The following ABCG2 variants were observed in gnomAD, a reference collection of about 807,000 sequenced individuals.
The protein encoded by ABCG2 is ATP binding cassette subfamily G member 2 (JR blood group).
ABCG2 carries 80 observed loss-of-function variants against 73.5 expected under a neutral mutation model. The ratio of observed to expected loss-of-function variants is 1.09; its 90% CI spans 0.91 to 1.31. ABCG2 has a LOEUF of 1.31. ABCG2 is among the 50% of genes most tolerant of loss of function. The pLI, the probability that ABCG2 is intolerant of heterozygous loss-of-function variation, is 0.00. For synonymous variants in ABCG2, 269 were observed against 282.4 expected (o/e 0.95, Z 0.48); for missense variants, 796 against 786.2 (o/e 1.01, Z -0.15).
chr4:88,140,093 C>T lies in ABCG2; in HGVS notation c.-19-79G>A, dbSNP rs1725526219. 3.3e-6 allele frequency: 4 copies of T among 1,219,580 alleles called. No homozygotes were observed. The East Asian group carries it at 1.0e-4, about 31-fold the overall frequency. The allele number at this position is 1,219,580 out of a possible 1,614,324, so 75.5% of individuals were successfully genotyped here. On this transcript the variant is annotated intron_variant, in intron 1 of 15. Coordinates refer to ENST00000237612, the MANE Select transcript of ABCG2 (RefSeq NM_004827.3). The stretch of plus-strand genomic sequence containing the variant: ...ACACTAGGTGACAATACATTTAAAA[C>T]AAGTCCATTTTTAAATGTGCGGCAA...
chr4:88,114,574 C>A (rs1341807252), intron 8 of ABCG2, among the ~76,000 whole-genome samples: 1 of 151,062 alleles, frequency 6.6e-6, no homozygotes, highest in Non-Finnish European at 1.5e-5. Context: ...GGTCAGTGAG[C>A]CGAAATAGCA....
chr4:88,207,833 C>T (rs991561840), intron 1 of ABCG2, among the ~76,000 whole-genome samples: 6 of 152,160 alleles, frequency 3.9e-5, no homozygotes, highest in African/African-American at 1.2e-4. Context: ...GCATAGCCAC[C>T]GCACCCAACC....
chr4:88,161,047 T>A (rs1223541483), upstream of ABCG2, among the ~76,000 whole-genome samples: 1 of 151,788 alleles, frequency 6.6e-6, no homozygotes, highest in Non-Finnish European at 1.5e-5. Flanking sequence ...CTGGGTGTGG[T>A]GGCTTACACC....
At position 88,118,222 on chromosome 4, in the gene ABCG2, T is replaced by C. The variant is rs754257226; in HGVS notation, c.728A>G (p.His243Arg). ...CTTGAAGATGGAATATCGAGGCTGA[T>C]GAATGGAGAAGATGATTGTTCGTCC... ...KQGRTIIFSIHQPRYSIFKLF... is the reference protein window; with the variant it reads ...KQGRTIIFSIRQPRYSIFKLF... Residue 243 changes from histidine to arginine, a missense_variant, in exon 7 of 16, where the codon CAT (histidine) becomes CGT (arginine). Coordinates refer to ENST00000237612, the MANE Select transcript of ABCG2 (RefSeq NM_004827.3). The C allele has an allele frequency of 1.1e-5, 17 of 1,614,052 alleles. No homozygotes were observed. Among genetic ancestry groups the C allele is most frequent in the Non-Finnish European group, 1.4e-5 (17 of 1,180,024 alleles).
Position 88,092,063 on chromosome 4 carries a change from G to T in ABCG2, c.*171C>A. The T allele has an allele frequency of 1.6e-6, 1 of 621,380 alleles. No individual in the cohort carries two copies. Among genetic ancestry groups the T allele is most frequent in the Non-Finnish European group, 2.7e-6 (1 of 368,998 alleles). 38.5% of individuals were successfully genotyped at this position (621,380 alleles called of 1,614,324 possible). ...TACATGATGTCTTGGGTTCTTTCAT[G>T]TTTAATTCAGTTTGTTGTGATTTCT... On this transcript the variant is annotated 3_prime_UTR_variant, in exon 16 of 16. Coordinates refer to ENST00000237612, the MANE Select transcript of ABCG2 (RefSeq NM_004827.3).
intron 1 of ABCG2, among the ~76,000 whole-genome samples, chr4:88,174,288 A>G (rs1727870042): frequency 6.6e-6 from 1 of 152,042 alleles, no homozygotes; most frequent in African/African-American, 2.4e-5. Context: ...CCCCGCATGC[A>G]TTAGGTATTT....
chr4:88,160,156 G>T (rs45464296), upstream of ABCG2, among the ~76,000 whole-genome samples: 1 of 151,594 alleles, frequency 6.6e-6, no homozygotes, highest in South Asian at 2.1e-4. Context: ...AACAAGAAGC[G>T]CTTGAACACA....
intron 12 of ABCG2, 64 bp downstream of exon 12, chr4:88,099,260 G>A (rs181628848): frequency 2.9e-5 from 42 of 1,433,982 alleles, no homozygotes; most frequent in Non-Finnish European, 3.7e-5. Context: ...CTTGCAAGGT[G>A]CAACTGACTT....
At chr4:88,157,201 A>G (rs1394921404) in intron 1 of ABCG2, among the ~76,000 whole-genome samples, 1 of 151,986 alleles carries the variant, frequency 6.6e-6, no homozygotes, top group Non-Finnish European at 1.5e-5. Flanking sequence ...TCATCTAATC[A>G]TGACACTAAA....
intron 1 of ABCG2, among the ~76,000 whole-genome samples, chr4:88,189,928 T>C (rs924808759): frequency 1.3e-5 from 2 of 152,224 alleles, no homozygotes; most frequent in Non-Finnish European, 2.9e-5. Flanking sequence ...TTAGGGTTTT[T>C]ATCATTAAAA....
At chr4:88,133,776 T>C (rs1412804620) in intron 2 of ABCG2, among the ~76,000 whole-genome samples, 7 of 152,122 alleles carry the variant, frequency 4.6e-5, no homozygotes, top group African/African-American at 1.7e-4. Flanking sequence ...GGCGGGTGGA[T>C]CACTTGAGGT....
At chr4:88,150,561 G>A (rs1404255079) in intron 1 of ABCG2, among the ~76,000 whole-genome samples, 6 of 152,192 alleles carry the variant, frequency 3.9e-5, no homozygotes, top group Non-Finnish European at 8.8e-5. Flanking sequence ...TATATTTAAA[G>A]CAGGAGTGTC....
chr4:88,215,187 C>G (rs1407259998), intron 1 of ABCG2, among the ~76,000 whole-genome samples: 1 of 152,006 alleles, frequency 6.6e-6, no homozygotes, highest in Non-Finnish European at 1.5e-5. Context: ...GGTGTTAGAC[C>G]AATGGGGATA....
intron 6 of ABCG2, 132 bp downstream of exon 6, chr4:88,121,503 G>C (rs1723971624): frequency 1.1e-6 from 1 of 887,576 alleles, no homozygotes; most frequent in Non-Finnish European, 1.7e-6. Context: ...CTTTTCATTT[G>C]TTAACTGACT....
chr4:88,113,379 A>C lies in ABCG2; in HGVS notation c.1118T>G (p.Phe373Cys), dbSNP rs752626614. ...VFKEISYTTS[F>C]CHQLRWVSKR... The stretch of plus-strand genomic sequence containing the variant: ...GGAAACCCATCTGAGTTGATGACAG[A>C]AGGAGGTGGTGTAGCTGATCTCCTT... The change falls in exon 9 of 16, where the codon TTC becomes TGC. Residue 373 changes from phenylalanine (F) to cysteine (C), a missense_variant. By Grantham distance (205) the Phe-to-Cys change is radical. Transcript: ENST00000237612. 19 of 1,613,948 alleles carry C rather than the reference A, an allele frequency of 1.2e-5. No homozygotes were observed. The highest frequency in any genetic ancestry group is 1.4e-5 in the Non-Finnish European group (16 of 1,179,930).
chr4:88,196,143 C>A (rs1728935357), intron 1 of ABCG2, among the ~76,000 whole-genome samples: 1 of 152,168 alleles, frequency 6.6e-6, no homozygotes, highest in African/African-American at 2.4e-5. Context: ...GTCGGGGACA[C>A]TCCTGCCCCG....
intron 1 of ABCG2, among the ~76,000 whole-genome samples, chr4:88,184,254 A>G (rs1005478913): frequency 5.9e-5 from 9 of 152,184 alleles, no homozygotes; most frequent in African/African-American, 2.2e-4. Flanking sequence ...CAAACTGAAA[A>G]GAAGGAAGTC....
At chr4:88,170,394 A>G (rs1727712282) in intron 1 of ABCG2, among the ~76,000 whole-genome samples, 1 of 152,162 alleles carries the variant, frequency 6.6e-6, no homozygotes, top group Non-Finnish European at 1.5e-5. Flanking sequence ...TGACACAAAA[A>G]CAGGCACTTC....
At chr4:88,168,069 G>C (rs1039572750) in intron 1 of ABCG2, among the ~76,000 whole-genome samples, 4 of 151,788 alleles carry the variant, frequency 2.6e-5, no homozygotes, top group African/African-American at 9.7e-5. Flanking sequence ...AGACAGCATC[G>C]GGGAGGGGGC....
Sources: gnomAD v4.1 joint callset for allele counts (sites outside exome capture counted in the v4.1 genomes callset) on GRCh38, gnomAD v4.1.1 for gene constraint, MANE v1.5 for transcripts, NCBI Gene and HGNC (gene_info 2026-07-23, HGNC 2026-07-21) for gene names.